Variants in AIFM3 observed in about 807,000 individuals in gnomAD.
The protein encoded by AIFM3 is apoptosis-inducing factor 3.
AIFM3 carries 71 observed loss-of-function variants against 82.7 expected under a neutral mutation model. The observed-to-expected ratio is 0.86, with a 90% CI of 0.71 to 1.05. AIFM3 has a LOEUF of 1.05. Among genes scored for constraint, AIFM3 ranks in the 50% least tolerant of loss-of-function variants. AIFM3 has a pLI of 0.00. For missense variants in AIFM3, 748 were observed against 816.7 expected, an observed-to-expected ratio of 0.92 and a Z score of 1.03; for synonymous variants, 337 against 329.1, an observed-to-expected ratio of 1.02 and a Z score of -0.26.
In AIFM3 at chr22:20,967,922, C is replaced by T. The variant is rs545199522; in HGVS notation, c.-23C>T. ...GCTCCCCATCTGTGCTCCTGCCTGC[C>T]GGCCATCCTCAGGCCACTCGCCATG... On this transcript the variant is annotated 5_prime_UTR_variant, in exon 2 of 21. Transcript: ENST00000440238. The T allele has an allele frequency of 8.1e-5, 131 of 1,614,096 alleles. No individual in the cohort carries two copies. Among genetic ancestry groups the T allele is most frequent in the Non-Finnish European group, 1.0e-4 (121 of 1,179,976 alleles).
chr22:20,979,768 C>G, intron 18 of AIFM3, 66 bp downstream of exon 18: 1 of 1,584,564 alleles, frequency 6.3e-7, no homozygotes, highest in Non-Finnish European at 8.7e-7. Context: ...GGGATTCATC[C>G]CAGGCAAAAT....
intron 2 of AIFM3, among the ~76,000 whole-genome samples, chr22:20,970,342 A>T (rs1923190194): frequency 6.6e-6 from 1 of 152,210 alleles, no homozygotes; most frequent in Non-Finnish European, 1.5e-5. Context: ...GTTGGAGTAA[A>T]GTCGCATAAT....
At chr22:20,967,617 G>A in intron 1 of AIFM3, 188 bp from the exon 2 acceptor site, 1 of 420,332 alleles carries the variant, frequency 2.4e-6, no homozygotes, top group Non-Finnish European at 4.3e-6. Context: ...GAGGAGTGAG[G>A]GAGCTGAGCT....
Position 20,976,639 on chromosome 22 carries a change from G to A in AIFM3, c.1031-12G>A. The stretch of plus-strand genomic sequence containing the variant: ...TGCAGGTGCCAGCCTGCCACCCCCT[G>A]CCCATCACCAGGGATGGAGGTGGCC... On this transcript the variant is annotated splice_polypyrimidine_tract_variant and intron_variant, in intron 11 of 20. Transcript: ENST00000440238. The A allele has an allele frequency of 6.2e-7, 1 of 1,611,268 alleles. No homozygotes were observed. Among genetic ancestry groups the A allele is most frequent in the Admixed American group, 1.7e-5 (1 of 59,566 alleles).
At chr22:20,978,054 T>C in intron 16 of AIFM3, 49 bp downstream of exon 16, 1 of 1,571,508 alleles carries the variant, frequency 6.4e-7, no homozygotes, top group Non-Finnish European at 8.8e-7. Flanking sequence ...AGTCTCAGGG[T>C]CTCAGTGTCC....
In AIFM3 at chr22:20,969,433, G is replaced by A. The variant is rs112787190; in HGVS notation, c.31+1458G>A. On this transcript the variant is annotated intron_variant, in intron 2 of 20. Coordinates refer to ENST00000440238, the MANE Select transcript of AIFM3 (RefSeq NM_001386814.1). Reference sequence around the variant, plus strand: ...GGCCTGGCACACCAGAAGCACTTGCGGAATTTTTTTTTTTTGAGACAGAGT... The same window carrying A: ...GGCCTGGCACACCAGAAGCACTTGCAGAATTTTTTTTTTTTGAGACAGAGT... 4.7e-3 allele frequency among the ~76,000 whole-genome samples: 695 copies of A among 149,358 alleles called. 6 individuals are homozygous for A. The highest frequency in any genetic ancestry group is 0.017 in the African/African-American group (658 of 39,432).
At position 20,970,955 on chromosome 22, in the gene AIFM3, G is replaced by T. The variant is rs776403252; in HGVS notation, c.32-2352G>T. 2.0e-4 allele frequency among the ~76,000 whole-genome samples: 31 copies of T among 152,256 alleles called. 1 individual carries two copies. Among genetic ancestry groups the T allele is most frequent in the Non-Finnish European group, 3.8e-4 (26 of 68,046 alleles). ...TTAAGGCCCAAAGGGGCTAAGGCAG[G>T]TCTTATGGGCAGCCAGAAGTCATGG... On this transcript the variant is annotated intron_variant, in intron 2 of 20. Coordinates refer to ENST00000440238, the MANE Select transcript of AIFM3 (RefSeq NM_001386814.1).
intron 2 of AIFM3, among the ~76,000 whole-genome samples, chr22:20,971,965 G>GT (rs1476683650): frequency 1.7e-5 from 2 of 115,398 alleles, no homozygotes; most frequent in Non-Finnish European, 3.6e-5. Context: ...TATGGAGGCT[G>GT]TGGGGGGGGG....
intron 2 of AIFM3, among the ~76,000 whole-genome samples, chr22:20,972,156 G>A (rs2147938884): frequency 6.6e-6 from 1 of 152,370 alleles, no homozygotes; most frequent in African/African-American, 2.4e-5. Flanking sequence ...TGTAATCCCA[G>A]CATTTTGGGA....
intron 19 of AIFM3, 170 bp downstream of exon 19, chr22:20,980,294 T>C: frequency 1.6e-6 from 1 of 635,212 alleles, no homozygotes; most frequent in Non-Finnish European, 2.7e-6. Context: ...GATCATGGTT[T>C]GAGAGCAGGC....
intron 16 of AIFM3, 22 bp downstream of exon 16, chr22:20,978,027 A>G (rs767850044): frequency 6.8e-6 from 11 of 1,609,914 alleles, no homozygotes; most frequent in African/African-American, 4.0e-5. Flanking sequence ...CCCGAGGCAC[A>G]TGGAGGGGTG....
In AIFM3 at chr22:20,973,453, C is replaced by A. The variant is rs2147940732; in HGVS notation, c.178C>A (p.Pro60Thr). The change falls in exon 3 of 21, where the codon CCC (proline) becomes ACC (threonine). Residue 60 changes from proline (P) to threonine (T), a missense_variant. Coordinates refer to ENST00000440238, the MANE Select transcript of AIFM3 (RefSeq NM_001386814.1). ...HTEERLSTPHPYPSPQDCVEA... is the reference protein window; with the variant it reads ...HTEERLSTPHTYPSPQDCVEA... ...GGAGGAGCGCCTGTCCACCCCTCAC[C>A]CCTACCCCAGCCCTCAGGATTGCGT... The A allele has an allele frequency of 6.2e-7, 1 of 1,613,202 alleles. No individual in the cohort carries two copies.
chr22:20,966,151 T>C (rs1330143460), upstream of AIFM3, among the ~76,000 whole-genome samples: 1 of 152,186 alleles, frequency 6.6e-6, no homozygotes, highest in African/African-American at 2.4e-5. Flanking sequence ...CAGCACAGCC[T>C]GGGCAGGTCC....
chr22:20,973,346 G>A lies in AIFM3; in HGVS notation c.71G>A (p.Arg24Gln), dbSNP rs771203303. Residue 24 changes from arginine to glutamine, a missense_variant, in exon 3 of 21, where the codon CGA (arginine) becomes CAA (glutamine). Physicochemically the swap from Arg to Gln is conservative, Grantham distance 43. This residue lies in a region of AIFM3 where 7 missense variants were observed against 24.3 expected (regional missense o/e 0.29). Coordinates refer to ENST00000440238, the MANE Select transcript of AIFM3 (RefSeq NM_001386814.1). Reference sequence around the variant, plus strand: ...GAGGTGGTGCTGCCTGAGAAGGAGCGAGGCAAGGAGGAGCTGTCGGCCAGT... The same window carrying A: ...GAGGTGGTGCTGCCTGAGAAGGAGCAAGGCAAGGAGGAGCTGTCGGCCAGT... ...KIEVVLPEKE[R>Q]GKEELSASGK... 4.7e-5 allele frequency: 76 copies of A among 1,606,510 alleles called. No homozygotes were observed. The highest frequency in any genetic ancestry group is 6.2e-5 in the Non-Finnish European group (73 of 1,176,964).
intron 2 of AIFM3, among the ~76,000 whole-genome samples, chr22:20,971,150 C>T (rs1291911358): frequency 6.6e-6 from 1 of 152,208 alleles, no homozygotes; most frequent in Non-Finnish European, 1.5e-5. Flanking sequence ...ATCTGGCCCC[C>T]CTGCCAGGCT....
In AIFM3 at chr22:20,979,593, T is replaced by TCACGTGGGTGCCACCCACCTGCC. The variant is rs1569151134; in HGVS notation, c.1577-32_1577-10dup. 3.7e-6 allele frequency: 6 copies of TCACGTGGGTGCCACCCACCTGCC among 1,612,880 alleles called. No homozygotes were observed. The Admixed American group carries it at 6.7e-5, about 18-fold the overall frequency. ...GTGACGTCTCGTTCCCTCCCCCGGC[T>TCACGTGGGTGCCACCCACCTGCC]CACGTGGGTGCCACCCACCTGCCCG... On this transcript the variant is annotated intron_variant, in intron 17 of 20. Transcript: ENST00000440238.
chr22:20,970,605 C>T (rs1382284406), intron 2 of AIFM3, among the ~76,000 whole-genome samples: 1 of 152,174 alleles, frequency 6.6e-6, no homozygotes, highest in Non-Finnish European at 1.5e-5. Flanking sequence ...GGATTATAAG[C>T]GCATGCCATC....
intron 9 of AIFM3, among the ~76,000 whole-genome samples, 192 bp downstream of exon 9, chr22:20,975,970 C>G (rs1027856202): frequency 6.6e-6 from 1 of 152,152 alleles, no homozygotes; most frequent in East Asian, 1.9e-4. Context: ...CAGAGCCCCA[C>G]GGTGTGTGGA....
Position 20,977,729 on chromosome 22 carries a change from C to T in AIFM3, c.1312C>T (p.Gln438Ter), listed in dbSNP as rs2147947781. ...GAVPATGFLR[Q>*]SGIGLDSRGF... is the part of the protein sequence containing the mutation. ...AGTGCCCGCCACAGGCTTCCTGAGG[C>T]AAAGCGGCATCGGTTTGGATTCCCG... Residue 438 changes from glutamine to a stop codon, truncating the protein, a stop_gained, in exon 15 of 21, where the codon CAA (glutamine) becomes TAA (stop). Coordinates refer to ENST00000440238, the MANE Select transcript of AIFM3 (RefSeq NM_001386814.1). LOFTEE classifies it high-confidence loss of function. 1 of 1,614,154 alleles carries T rather than the reference C, an allele frequency of 6.2e-7. No homozygotes were observed. The highest frequency in any genetic ancestry group is 8.5e-7 in the Non-Finnish European group (1 of 1,180,032).
Sources: gnomAD v4.1 joint callset for allele counts (sites outside exome capture counted in the v4.1 genomes callset) on GRCh38, gnomAD v4.1.1 for gene constraint, gnomAD v4.1.1 regional missense constraint, MANE v1.5 for transcripts, NCBI Gene and HGNC (gene_info 2026-07-23, HGNC 2026-07-21) for gene names.